SLC43A2: variants seen among roughly 807,000 people sequenced by gnomAD.
SLC43A2 encodes solute carrier family 43 member 2.
SLC43A2 carries 38 observed loss-of-function variants against 63.2 expected under a neutral mutation model. The observed-to-expected ratio is 0.60, with a 90% CI of 0.46 to 0.79. The LOEUF is 0.79. Ranked by LOEUF, SLC43A2 falls within the 30% of genes least tolerant of loss-of-function variation. SLC43A2 has a pLI of 0.00. For missense variants in SLC43A2, 644 were observed against 756.2 expected, an observed-to-expected ratio of 0.85 and a Z score of 1.74; for synonymous variants, 322 against 331.0, an observed-to-expected ratio of 0.97 and a Z score of 0.30.
chr17:1,601,402 T>C (rs1262395605), intron 5 of SLC43A2, among the ~76,000 whole-genome samples: 1 of 151,964 alleles, frequency 6.6e-6, no homozygotes, highest in Non-Finnish European at 1.5e-5. Flanking sequence ...TCAGGCCTGC[T>C]ACACCACCGA....
intron 5 of SLC43A2, among the ~76,000 whole-genome samples, chr17:1,601,302 T>C (rs1286740877): frequency 6.6e-6 from 1 of 151,882 alleles, no homozygotes; most frequent in Non-Finnish European, 1.5e-5. Context: ...TCCAGAGTGG[T>C]AGAATCTCAT....
chr17:1,627,973 G>A (rs1908844814), intron 1 of SLC43A2, 53 bp from the exon 2 acceptor site: 2 of 1,285,906 alleles, frequency 1.6e-6, no homozygotes, highest in Non-Finnish European at 2.0e-6. Context: ...CCCTGCGGCC[G>A]CCCCCAGCAG....
At chr17:1,624,023 C>T (rs1908424571) in intron 2 of SLC43A2, among the ~76,000 whole-genome samples, 3 of 152,244 alleles carry the variant, frequency 2.0e-5, no homozygotes, top group African/African-American at 7.2e-5. Context: ...GGCCCGACCA[C>T]CCCCTGGAAT....
intron 5 of SLC43A2, among the ~76,000 whole-genome samples, chr17:1,610,275 A>AT (rs1441557902): frequency 6.6e-6 from 1 of 151,012 alleles, no homozygotes; most frequent in Non-Finnish European, 1.5e-5. Context: ...TTTTACTTTT[A>AT]TTTTTGGGAC....
At chr17:1,600,617 G>A (rs544245012) in intron 5 of SLC43A2, among the ~76,000 whole-genome samples, 3 of 124,874 alleles carry the variant, frequency 2.4e-5, no homozygotes, top group Non-Finnish European at 4.8e-5. Flanking sequence ...GCAATGGTAC[G>A]ATTCTGGCTC....
intron 5 of SLC43A2, among the ~76,000 whole-genome samples, chr17:1,600,152 A>ATATATATATATT (rs1216616243): frequency 1.7e-5 from 1 of 60,280 alleles, no homozygotes; most frequent in Non-Finnish European, 3.2e-5. Flanking sequence ...ATATATATAT[A>ATATATATATATT]TTTTTTTTTT....
intron 9 of SLC43A2, 102 bp from the exon 10 acceptor site, chr17:1,586,153 G>A (rs536473391): frequency 1.4e-6 from 2 of 1,454,142 alleles, no homozygotes; most frequent in African/African-American, 2.8e-5. Flanking sequence ...GGCTCTTCTG[G>A]GGTCTGCCCC....
At chr17:1,576,863 GTTTTTT>G in intron 12 of SLC43A2, 143 bp from the exon 13 acceptor site, 4 of 578,180 alleles carry the variant, frequency 6.9e-6, no homozygotes, top group Non-Finnish European at 1.1e-5. Context: ...GGGCAGTTCT[GTTTTTT>G]TTTTTTTTTT....
chr17:1,626,587 C>G (rs1336300410), intron 2 of SLC43A2, among the ~76,000 whole-genome samples: 3 of 152,182 alleles, frequency 2.0e-5, no homozygotes, highest in Admixed American at 2.0e-4. Flanking sequence ...CTGGGACACA[C>G]AGGAATCTCC....
rs1035074966 is a variant in SLC43A2 at position 1,575,468 on chromosome 17, G to T, written c.*136C>A. The T allele has an allele frequency of 1.7e-5, 20 of 1,159,024 alleles. No homozygotes were observed. In the African/African-American group the frequency reaches 2.8e-4, roughly 16 times the overall value. The allele number at this position is 1,159,024 out of a possible 1,614,324, so 71.8% of individuals were successfully genotyped here. On this transcript the variant is annotated 3_prime_UTR_variant, in exon 14 of 14. Coordinates refer to ENST00000301335, the MANE Select transcript of SLC43A2 (RefSeq NM_152346.3). Reference sequence around the variant, plus strand: ...CCTTCCACCACAGAGCTCCGAGGCAGGGCCCCGGGAGGGAGCGTGAACGCT... The same window carrying T: ...CCTTCCACCACAGAGCTCCGAGGCATGGCCCCGGGAGGGAGCGTGAACGCT...
intron 9 of SLC43A2, chr17:1,586,974 G>T: frequency 1.8e-6 from 2 of 1,125,920 alleles, no homozygotes; most frequent in Non-Finnish European, 2.3e-6. Context: ...CATCAAGAAA[G>T]CAAAAGTGAA....
intron 5 of SLC43A2, among the ~76,000 whole-genome samples, chr17:1,607,400 G>C (rs1327705372): frequency 6.6e-6 from 1 of 152,158 alleles, no homozygotes; most frequent in Non-Finnish European, 1.5e-5. Flanking sequence ...GCCCCAGTCA[G>C]CCCAAGAGTG....
rs1050873420 is a variant in SLC43A2 at position 1,573,417 on chromosome 17, C to G, written c.*2187G>C. The G allele has an allele frequency of 6.6e-6, 1 of 152,232 alleles. No homozygotes were observed. The highest frequency in any genetic ancestry group is 1.5e-5 in the Non-Finnish European group (1 of 68,096). 9.4% of individuals were successfully genotyped at this position (152,232 alleles called of 1,614,324 possible). A position where few individuals can be genotyped will look rare whatever the true frequency, so the allele number is the denominator to read the frequency against. On this transcript the variant is annotated 3_prime_UTR_variant, in exon 14 of 14. Transcript: ENST00000301335. The stretch of plus-strand genomic sequence containing the variant: ...GGCTCTGATGGTTCGAGCCGTTCCT[C>G]GGCAGCACAGCACACCCGCTCCTGA...
chr17:1,600,821 G>A (rs532190960), intron 5 of SLC43A2, among the ~76,000 whole-genome samples: 1 of 151,388 alleles, frequency 6.6e-6, no homozygotes, highest in African/African-American at 2.4e-5. Flanking sequence ...GCCTCTCAAA[G>A]TGTTGGGATG....
Position 1,583,550 on chromosome 17 carries a change from G to T in SLC43A2, c.1218-214C>A, listed in dbSNP as rs2076053618. On this transcript the variant is annotated intron_variant, in intron 10 of 13. Transcript: ENST00000301335. The surrounding 1 kb of genome is among the most constrained non-coding windows in gnomAD (Gnocchi z 5.5). ...AAGCTGAGTGTGACTCTCGGAGGGG[G>T]TCTCGGGTACAAGAAGATGGCCATC... The T allele has an allele frequency of 1.4e-6, 1 of 704,972 alleles. No homozygotes were observed. Among genetic ancestry groups the T allele is most frequent in the Admixed American group, 3.1e-5 (1 of 32,778 alleles). 43.7% of individuals were successfully genotyped at this position (704,972 alleles called of 1,614,324 possible). A position where few individuals can be genotyped will look rare whatever the true frequency, so the allele number is the denominator to read the frequency against.
chr17:1,586,338 C>T (rs371434425), intron 9 of SLC43A2, among the ~76,000 whole-genome samples: 1 of 152,112 alleles, frequency 6.6e-6, no homozygotes, highest in Admixed American at 6.6e-5. Context: ...TCCAGGAAGT[C>T]GCTATAACTT....
chr17:1,606,349 C>T lies in SLC43A2; in HGVS notation c.501+6846G>A, dbSNP rs533562277. On this transcript the variant is annotated intron_variant, in intron 5 of 13. Transcript: ENST00000301335. This position sits in a 1 kb window ranked among gnomAD's most constrained non-coding sequence, Gnocchi z 4.7. The stretch of plus-strand genomic sequence containing the variant: ...CCTCTTCACTTCCCTCAGATCCCAC[C>T]TCCCATGAAATCATGCCTTCCTCAG... Among the ~76,000 whole-genome samples the T allele has an allele frequency of 6.6e-6, 1 of 152,302 alleles. No individual in the cohort carries two copies. Among genetic ancestry groups the T allele is most frequent in the South Asian group, 2.1e-4 (1 of 4,822 alleles).
In SLC43A2 at chr17:1,585,962, T is replaced by A; in HGVS notation, c.1168A>T (p.Lys390Ter). 6.2e-7 allele frequency: 1 copy of A among 1,613,424 alleles called. No homozygotes were observed. Among genetic ancestry groups the A allele is most frequent in the Non-Finnish European group, 8.5e-7 (1 of 1,179,964 alleles). Residue 390 changes from lysine to a stop codon, truncating the protein, a stop_gained, in exon 10 of 14, where the codon AAG becomes TAG. Coordinates refer to ENST00000301335, the MANE Select transcript of SLC43A2 (RefSeq NM_152346.3). LOFTEE classifies it high-confidence loss of function. ...VIGYIMDWRL[K>*]ECEDASEEPE... ...TCCTCGGAGGCGTCTTCACACTCCT[T>A]CAGCCTCCAGTCCATGATGTAGCCA...
intron 11 of SLC43A2, among the ~76,000 whole-genome samples, chr17:1,582,783 A>G (rs545257171): frequency 2.0e-5 from 3 of 152,284 alleles, no homozygotes; most frequent in Admixed American, 2.0e-4. Context: ...AATGAATGAA[A>G]GTCATCATCT....
Sources: allele counts gnomAD v4.1 joint callset (sites outside exome capture counted in the v4.1 genomes callset), GRCh38; gene constraint gnomAD v4.1.1; non-coding constraint Gnocchi (gnomAD v3.1); transcripts MANE v1.5; gene names NCBI Gene and HGNC (gene_info 2026-07-23, HGNC 2026-07-21).